The following KLRG1 variants were observed in gnomAD, a reference collection of about 807,000 sequenced individuals.
The protein encoded by KLRG1 is killer cell lectin-like receptor subfamily G member 1.
A neutral mutation model predicts 21.8 loss-of-function variants in KLRG1; 16 were observed. That is an observed-to-expected ratio of 0.73 (90% CI 0.50 to 1.11). The LOEUF is 1.11. Among genes scored for constraint, KLRG1 ranks in the 50% most tolerant of loss-of-function variants. The probability of loss-of-function intolerance (pLI) is 0.00; values close to 1 mark genes in which losing one functional copy is unlikely to be tolerated. For missense variants in KLRG1, 173 were observed against 218.3 expected, an observed-to-expected ratio of 0.79 and a Z score of 1.31; for synonymous variants, 69 against 75.9, an observed-to-expected ratio of 0.91 and a Z score of 0.47.
At chr12:8,962,982 A>G (rs1019313848) in intron 1 of KLRG1, among the ~76,000 whole-genome samples, 1 of 152,210 alleles carries the variant, frequency 6.6e-6, no homozygotes, top group Non-Finnish European at 1.5e-5. Context: ...ATGAAAAATT[A>G]TATATACTGA....
At chr12:9,146,961 C>T in the KLRG1 span, among the ~76,000 whole-genome samples, 2 of 152,026 alleles carry the variant, frequency 1.3e-5, no homozygotes, top group Admixed American at 1.3e-4. Flanking sequence ...TTAAAAAAAT[C>T]CATTTACTGT....
the KLRG1 span, among the ~76,000 whole-genome samples, chr12:9,026,357 G>A: frequency 2.0e-5 from 3 of 152,186 alleles, no homozygotes; most frequent in African/African-American, 4.8e-5. Context: ...AGCCAAAAAC[G>A]TATGCCAAAA....
At chr12:8,976,923 T>C (rs1190106152) in intron 1 of KLRG1, among the ~76,000 whole-genome samples, 1 of 151,576 alleles carries the variant, frequency 6.6e-6, no homozygotes, top group African/African-American at 2.4e-5. Context: ...ATTTTTTGTA[T>C]TTTTTTTAGT....
At chr12:9,054,594 T>C in the KLRG1 span, among the ~76,000 whole-genome samples, 1 of 152,212 alleles carries the variant, frequency 6.6e-6, no homozygotes, top group South Asian at 2.1e-4. Flanking sequence ...ACAATTCTAC[T>C]ATTCTAGTTA....
At chr12:8,967,445 G>A (rs373651952) in intron 1 of KLRG1, among the ~76,000 whole-genome samples, 56 of 152,116 alleles carry the variant, frequency 3.7e-4, no homozygotes, top group Non-Finnish European at 6.5e-4. Flanking sequence ...AACCAGGCTG[G>A]GCCAGGTGGC....
chr12:9,048,715 T>C, the KLRG1 span, among the ~76,000 whole-genome samples: 1 of 152,192 alleles, frequency 6.6e-6, no homozygotes, highest in Non-Finnish European at 1.5e-5. Flanking sequence ...CTACAAAAAA[T>C]CTACAGCTAA....
intron 1 of KLRG1, among the ~76,000 whole-genome samples, chr12:8,975,754 G>A (rs896264691): frequency 6.6e-6 from 1 of 152,044 alleles, no homozygotes; most frequent in East Asian, 1.9e-4. Flanking sequence ...TAGAGACGAG[G>A]TTTTGCCATG....
the KLRG1 span, chr12:9,113,395 C>A: frequency 1.2e-6 from 2 of 1,613,720 alleles, no homozygotes; most frequent in Middle Eastern, 3.3e-4. Flanking sequence ...TCATTCTCCG[C>A]CTCCAGGTCA....
intron 3 of KLRG1, among the ~76,000 whole-genome samples, chr12:9,004,327 A>G (rs1204632843): frequency 1.3e-5 from 2 of 152,250 alleles, no homozygotes; most frequent in Admixed American, 1.3e-4. Context: ...CCAACAGTGT[A>G]AAAGTGTTCC....
the KLRG1 span, chr12:9,196,552 A>G: frequency 6.3e-7 from 1 of 1,582,382 alleles, no homozygotes; most frequent in Non-Finnish European, 8.7e-7. Context: ...TATTTCCCAT[A>G]TTCGTTCATT....
the KLRG1 span, among the ~76,000 whole-genome samples, chr12:9,166,701 T>C: frequency 6.6e-6 from 1 of 152,264 alleles, no homozygotes; most frequent in Admixed American, 6.5e-5. Context: ...AAACTGTTGT[T>C]CTCTGGGAAA....
chr12:9,171,613 G>A, the KLRG1 span, among the ~76,000 whole-genome samples: 1 of 152,132 alleles, frequency 6.6e-6, no homozygotes, highest in Non-Finnish European at 1.5e-5. Context: ...ACAGGAGCTG[G>A]TAGCCAGAAT....
chr12:9,013,075 A>C (rs1416165888), downstream of KLRG1, among the ~76,000 whole-genome samples: 1 of 152,186 alleles, frequency 6.6e-6, no homozygotes, highest in Non-Finnish European at 1.5e-5. Context: ...GTAATCTAGT[A>C]AATTCTCCTG....
the KLRG1 span, among the ~76,000 whole-genome samples, chr12:9,113,865 AT>A: frequency 3.9e-5 from 6 of 152,318 alleles, no homozygotes; most frequent in East Asian, 1.2e-3. Flanking sequence ...TGTAAAATCT[AT>A]TTTTACCTTC....
At chr12:9,169,010 T>G in the KLRG1 span, 1 of 1,421,078 alleles carries the variant, frequency 7.0e-7, no homozygotes, top group Admixed American at 1.7e-5. Flanking sequence ...ACTTGTAAGC[T>G]TGATTAGAAT....
the KLRG1 span, chr12:9,110,099 T>A: frequency 6.6e-6 from 10 of 1,526,216 alleles, no homozygotes; most frequent in South Asian, 1.3e-5. Context: ...ATAAAAGATA[T>A]CTATGGAAAC....
chr12:8,953,715 TATC>T (rs1240944721), intron 1 of KLRG1, among the ~76,000 whole-genome samples: 1 of 152,198 alleles, frequency 6.6e-6, no homozygotes, highest in African/African-American at 2.4e-5. Flanking sequence ...CAGAAACAGA[TATC>T]ATATTGGCGA....
At chr12:8,967,883 G>A (rs1946504190) in intron 1 of KLRG1, among the ~76,000 whole-genome samples, 1 of 151,912 alleles carries the variant, frequency 6.6e-6, no homozygotes, top group Admixed American at 6.6e-5. Flanking sequence ...AAAGCAGAAT[G>A]TGACTAAAGA....
At chr12:9,118,186 T>A in the KLRG1 span, among the ~76,000 whole-genome samples, 3 of 152,204 alleles carry the variant, frequency 2.0e-5, no homozygotes, top group Non-Finnish European at 4.4e-5. Flanking sequence ...GGTGGTTGTT[T>A]CCTGTTACCA....
Sources: allele counts gnomAD v4.1 joint callset (sites outside exome capture counted in the v4.1 genomes callset), GRCh38; gene constraint gnomAD v4.1.1; transcripts MANE v1.5; gene names NCBI Gene and HGNC (gene_info 2026-07-23, HGNC 2026-07-21).